Variants in USP15 observed in about 807,000 individuals in gnomAD.
USP15 encodes ubiquitin carboxyl-terminal hydrolase 15.
Under a neutral mutation model 127.1 loss-of-function variants are expected in USP15, and 18 were observed. The observed-to-expected ratio is 0.14, with a 90% CI of 0.10 to 0.21. USP15 has a LOEUF of 0.21. Among genes scored for constraint, USP15 ranks in the 10% least tolerant of loss-of-function variants. The pLI, the probability that USP15 is intolerant of heterozygous loss-of-function variation, is 1.00. For synonymous variants in USP15, 364 were observed against 393.7 expected (o/e 0.92, Z 0.89); for missense variants, 805 against 1,159.9 (o/e 0.69, Z 4.44).
chr12:62,379,590 T>C (rs2066929012), intron 8 of USP15, among the ~76,000 whole-genome samples: 1 of 152,132 alleles, frequency 6.6e-6, no homozygotes, highest in Non-Finnish European at 1.5e-5. Flanking sequence ...TGCAACTTGG[T>C]TCTTTTGAGA....
At chr12:62,384,047 T>C in intron 10 of USP15, 31 bp from the exon 11 acceptor site, 1 of 1,610,202 alleles carries the variant, frequency 6.2e-7, no homozygotes, top group Non-Finnish European at 8.5e-7. Context: ...TTGTGATACC[T>C]CTTTCTAATT....
In USP15 at chr12:62,401,168, A is replaced by T; in HGVS notation, c.2675-19A>T. On this transcript the variant is annotated intron_variant, in intron 20 of 21. Transcript: ENST00000280377. ...AACCAAGATCATTTTCGTCACAGTG[A>T]TTATATTTTTTTCATTAGATACTGC... 6.3e-7 allele frequency: 1 copy of T among 1,583,410 alleles called. No individual in the cohort carries two copies.
chr12:62,302,600 T>A (rs2064350060), intron 2 of USP15, among the ~76,000 whole-genome samples, 190 bp from the exon 3 acceptor site: 1 of 152,114 alleles, frequency 6.6e-6, no homozygotes, highest in Admixed American at 6.6e-5. Flanking sequence ...CAACTATTGT[T>A]AGTGTTACAA....
chr12:62,376,174 G>GTGAC (rs1437920054), intron 8 of USP15, among the ~76,000 whole-genome samples: 5 of 121,582 alleles, frequency 4.1e-5, no homozygotes, highest in Middle Eastern at 4.2e-3. Context: ...TGTCAGTTTT[G>GTGAC]TGTGCTAATA....
chr12:62,397,999 CGT>C (rs1491131462), intron 20 of USP15, among the ~76,000 whole-genome samples: 5 of 96,250 alleles, frequency 5.2e-5, no homozygotes, highest in Admixed American at 1.0e-4. Context: ...TTTATCTATA[CGT>C]TTTTTTTTTG....
intron 1 of USP15, among the ~76,000 whole-genome samples, chr12:62,275,479 G>A (rs1447783953): frequency 1.3e-5 from 2 of 151,856 alleles, no homozygotes; most frequent in Non-Finnish European, 2.9e-5. Flanking sequence ...CGTTGGATTT[G>A]TTAAGGTGGT....
chr12:62,335,341 G>A (rs114684474), intron 6 of USP15: 14 of 1,433,852 alleles, frequency 9.8e-6, no homozygotes, highest in Middle Eastern at 1.8e-4. Flanking sequence ...GTCAGAAGTC[G>A]GAATCAGAAG....
chr12:62,271,400 ATTTTCT>A (rs1229708318), intron 1 of USP15, among the ~76,000 whole-genome samples: 2 of 151,896 alleles, frequency 1.3e-5, no homozygotes, highest in Admixed American at 6.6e-5. Context: ...ATTTATGATA[ATTTTCT>A]TTAGGTGCTT....
chr12:62,281,693 A>C (rs540364046), intron 1 of USP15, among the ~76,000 whole-genome samples: 3 of 152,258 alleles, frequency 2.0e-5, no homozygotes, highest in African/African-American at 7.2e-5. Context: ...AATTGTGTAG[A>C]TAGCCCTAAG....
chr12:62,352,463 A>G (rs2065992137), intron 7 of USP15, among the ~76,000 whole-genome samples: 3 of 151,972 alleles, frequency 2.0e-5, no homozygotes, highest in African/African-American at 7.2e-5. Flanking sequence ...GCCCTGCTAT[A>G]TTTGCTTTGG....
At chr12:62,283,510 G>C (rs528983173) in intron 1 of USP15, among the ~76,000 whole-genome samples, 1 of 152,184 alleles carries the variant, frequency 6.6e-6, no homozygotes, top group African/African-American at 2.4e-5. Context: ...AAGAACAATA[G>C]GAATACAATT....
At chr12:62,375,468 G>T (rs753413144) in intron 8 of USP15, among the ~76,000 whole-genome samples, 1 of 152,018 alleles carries the variant, frequency 6.6e-6, no homozygotes, top group Non-Finnish European at 1.5e-5. Context: ...GTTTGAGTGT[G>T]CCCGATATTG....
intron 3 of USP15, among the ~76,000 whole-genome samples, chr12:62,311,614 G>A (rs1247488074): frequency 6.6e-6 from 1 of 151,630 alleles, no homozygotes; most frequent in Non-Finnish European, 1.5e-5. Flanking sequence ...TAGTTCATAA[G>A]TTTGCCCATC....
At chr12:62,304,639 T>G (rs762125875) in intron 3 of USP15, 5 of 439,134 alleles carry the variant, frequency 1.1e-5, no homozygotes, top group South Asian at 8.0e-5. Context: ...CATCTTCCTG[T>G]ACCTCAAAGA....
intron 1 of USP15, among the ~76,000 whole-genome samples, chr12:62,263,223 T>G (rs2063114147): frequency 6.6e-6 from 1 of 152,202 alleles, no homozygotes. Context: ...TATTTGAAAT[T>G]TGCCCTGTGG....
At chr12:62,282,330 CAAAA>C (rs201607815) in intron 1 of USP15, among the ~76,000 whole-genome samples, 1 of 147,994 alleles carries the variant, frequency 6.8e-6, no homozygotes, top group Admixed American at 6.7e-5. Context: ...ACCCTGTCTC[CAAAA>C]AAAAATAAAT....
intron 6 of USP15, chr12:62,328,495 C>A: frequency 4.8e-6 from 1 of 206,422 alleles, no homozygotes; most frequent in Non-Finnish European, 1.1e-5. Flanking sequence ...AGAAAATAGT[C>A]TAACAAAAAT....
Position 62,382,714 on chromosome 12 carries a change from A to C in USP15, c.1089+1051A>C, listed in dbSNP as rs1016781250. ...CAAAAATACTTAGTGATGAAAGATT[A>C]GGAAAATTGAATATGAACATTAATG... On this transcript the variant is annotated intron_variant, in intron 9 of 21. Coordinates refer to ENST00000280377, the MANE Select transcript of USP15 (RefSeq NM_001252078.2). 5.3e-5 allele frequency among the ~76,000 whole-genome samples: 8 copies of C among 152,128 alleles called. 1 individual carries two copies. In the South Asian group the frequency reaches 1.7e-3, roughly 31 times the overall value.
chr12:62,335,730 C>A (rs2065442257), intron 6 of USP15: 5 of 985,350 alleles, frequency 5.1e-6, no homozygotes, highest in South Asian at 4.7e-5. Context: ...TTGACAGCCA[C>A]CTACATTTAA....
Sources: gnomAD v4.1 joint callset for allele counts (sites outside exome capture counted in the v4.1 genomes callset) on GRCh38, gnomAD v4.1.1 for gene constraint, MANE v1.5 for transcripts, NCBI Gene and HGNC (gene_info 2026-07-23, HGNC 2026-07-21) for gene names.